The following FOXP1 variants were observed in gnomAD, a reference collection of about 807,000 sequenced individuals.
FOXP1 encodes forkhead box P1, also known as forkhead box protein P1.
FOXP1 carries 15 observed loss-of-function variants against 98.2 expected under a neutral mutation model. The observed-to-expected ratio is 0.15, with a 90% CI of 0.10 to 0.24. The LOEUF (loss-of-function observed/expected upper bound fraction) is 0.24, where lower values mean the gene tolerates loss of function less well. Among genes scored for constraint, FOXP1 ranks in the 10% least tolerant of loss-of-function variants. The probability of loss-of-function intolerance (pLI) is 1.00; values close to 1 mark genes in which losing one functional copy is unlikely to be tolerated. For synonymous variants in FOXP1, 371 were observed against 314.5 expected, an observed-to-expected ratio of 1.18 and a Z score of -1.90; for missense variants, 633 against 848.5, an observed-to-expected ratio of 0.75 and a Z score of 3.15.
At chr3:71,026,087 C>T (rs2046080009) in intron 11 of FOXP1, among the ~76,000 whole-genome samples, 1 of 152,192 alleles carries the variant, frequency 6.6e-6, no homozygotes. Context: ...AATATGCACA[C>T]ACTCAGTGGG....
At chr3:71,472,637 C>T (rs1445709976) in intron 3 of FOXP1, among the ~76,000 whole-genome samples, 2 of 152,078 alleles carry the variant, frequency 1.3e-5, no homozygotes, top group Non-Finnish European at 1.5e-5. Flanking sequence ...AACCCCAGTC[C>T]AGAAAACAAA....
intron 3 of FOXP1, among the ~76,000 whole-genome samples, chr3:71,435,155 AAGG>A (rs2085131201): frequency 7.0e-6 from 1 of 142,678 alleles, no homozygotes; most frequent in Non-Finnish European, 1.5e-5. Flanking sequence ...GGAGGAGAGG[AAGG>A]AGAAGGAGGG....
chr3:71,452,135 C>T (rs953214862), intron 3 of FOXP1, among the ~76,000 whole-genome samples: 4 of 152,140 alleles, frequency 2.6e-5, no homozygotes, highest in African/African-American at 4.8e-5. Context: ...TAATCACTCT[C>T]GGAGCCCCCA....
chr3:71,267,483 C>G (rs903949821), intron 5 of FOXP1, among the ~76,000 whole-genome samples: 1 of 151,982 alleles, frequency 6.6e-6, no homozygotes, highest in Non-Finnish European at 1.5e-5. Context: ...ACTGCATCTG[C>G]GAGTAGAAAT....
At position 71,047,098 on chromosome 3, in the gene FOXP1, G is replaced by GT. The variant is rs2049123273; in HGVS notation, c.511-4dup. On this transcript the variant is annotated splice_region_variant and splice_polypyrimidine_tract_variant and intron_variant, in intron 9 of 20. Transcript: ENST00000649528. ...TGCTGGGTAGCCACCTGCTGTTGCTGTAAGAAATCAGGAAGAAAAAATGAG... is the reference window on the plus strand; with the variant it reads ...TGCTGGGTAGCCACCTGCTGTTGCTGTTAAGAAATCAGGAAGAAAAAATGAG... 6.2e-7 allele frequency: 1 copy of GT among 1,613,974 alleles called. No individual in the cohort carries two copies. Among genetic ancestry groups the GT allele is most frequent in the East Asian group, 2.2e-5 (1 of 44,880 alleles).
chr3:71,189,756 T>C (rs2062854408), intron 6 of FOXP1, among the ~76,000 whole-genome samples: 1 of 152,218 alleles, frequency 6.6e-6, no homozygotes, highest in African/African-American at 2.4e-5. Context: ...GTCCTTCCTT[T>C]CTCTTTCTGT....
At chr3:71,551,071 A>C (rs932399741) in intron 2 of FOXP1, among the ~76,000 whole-genome samples, 1 of 152,208 alleles carries the variant, frequency 6.6e-6, no homozygotes, top group Non-Finnish European at 1.5e-5. Flanking sequence ...TTTTTATCTA[A>C]TATTTATGCA....
At chr3:71,386,398 T>C (rs1362104096) in intron 3 of FOXP1, among the ~76,000 whole-genome samples, 2 of 152,140 alleles carry the variant, frequency 1.3e-5, no homozygotes, top group Non-Finnish European at 2.9e-5. Flanking sequence ...CAGGGTAAGA[T>C]CACATGACTT....
chr3:71,517,636 G>A (rs2042678493), intron 2 of FOXP1, among the ~76,000 whole-genome samples: 1 of 152,102 alleles, frequency 6.6e-6, no homozygotes, highest in African/African-American at 2.4e-5. Flanking sequence ...TTTATCTTCA[G>A]TATAATATTC....
Position 70,972,119 on chromosome 3 carries a change from C to T in FOXP1, c.1652+436G>A, listed in dbSNP as rs1347921620. On this transcript the variant is annotated intron_variant, in intron 18 of 20. Coordinates refer to ENST00000649528, the MANE Select transcript of FOXP1 (RefSeq NM_001349338.3). Reference sequence around the variant, plus strand: ...TTCATCATCAACTGTCCAAAAGGACCCAAACTCATCCTCTACTCTGATAAA... The same window carrying T: ...TTCATCATCAACTGTCCAAAAGGACTCAAACTCATCCTCTACTCTGATAAA... The T allele has an allele frequency of 8.5e-6, 13 of 1,533,792 alleles. No individual in the cohort carries two copies. Among genetic ancestry groups the T allele is most frequent in the East Asian group, 2.4e-5 (1 of 40,902 alleles).
At position 70,966,018 on chromosome 3, in the gene FOXP1, G is replaced by A. The variant is rs764576604; in HGVS notation, c.1761C>T (p.Thr587=). 1.5e-5 allele frequency: 24 copies of A among 1,613,970 alleles called. No homozygotes were observed. The highest frequency in any genetic ancestry group is 4.5e-5 in the East Asian group (2 of 44,892). The change falls in exon 20 of 21, where the codon ACC becomes ACT. Residue 587 remains threonine (T), a synonymous_variant. Transcript: ENST00000649528. ...MAENSIPLYT[T]ASMGNPTLGN... ...CCAGAGTGGGATTTCCCATGGAAGC[G>A]GTAGTGTATAGAGGTATACTATTCT...
intron 3 of FOXP1, among the ~76,000 whole-genome samples, chr3:71,445,688 C>G (rs1191923616): frequency 2.2e-5 from 3 of 134,476 alleles, no homozygotes; most frequent in African/African-American, 8.7e-5. Context: ...GATATTTATA[C>G]CTTTTTTTTT....
At chr3:71,169,885 C>T (rs889780230) in intron 6 of FOXP1, among the ~76,000 whole-genome samples, 6 of 151,594 alleles carry the variant, frequency 4.0e-5, no homozygotes, top group Non-Finnish European at 7.4e-5. Context: ...GTTCATTTTA[C>T]GCACAATTTT....
At chr3:71,333,777 T>C (rs2076496094) in intron 4 of FOXP1, 1 of 151,870 alleles carries the variant, frequency 6.6e-6, no homozygotes, top group South Asian at 2.1e-4. Context: ...TGAGCTGAAA[T>C]GGCACCACTG....
At chr3:71,143,913 A>C (rs2060186646) in intron 6 of FOXP1, among the ~76,000 whole-genome samples, 1 of 152,198 alleles carries the variant, frequency 6.6e-6, no homozygotes, top group South Asian at 2.1e-4. Flanking sequence ...AATATATAAA[A>C]ATATGTTTAT....
intron 9 of FOXP1, among the ~76,000 whole-genome samples, chr3:71,050,252 T>C (rs1033103894): frequency 4.7e-4 from 71 of 152,194 alleles, no homozygotes; most frequent in Non-Finnish European, 8.7e-4. Context: ...CTGTGTAACT[T>C]TCCCCTTCCC....
At chr3:71,501,623 T>G (rs62244863) in intron 2 of FOXP1, among the ~76,000 whole-genome samples, 6 of 151,942 alleles carry the variant, frequency 3.9e-5, no homozygotes, top group African/African-American at 1.5e-4. Flanking sequence ...AACAACAACA[T>G]GACCTTTCGA....
At position 71,416,904 on chromosome 3, in the gene FOXP1, G is replaced by C. The variant is rs536418055; in HGVS notation, c.-167-57660C>G. Among the ~76,000 whole-genome samples, 118 of 152,150 alleles carry C rather than the reference G, an allele frequency of 7.8e-4. 1 individual carries two copies. Among genetic ancestry groups the C allele is most frequent in the Non-Finnish European group, 1.3e-3 (91 of 68,002 alleles). On this transcript the variant is annotated intron_variant, in intron 3 of 20. Transcript: ENST00000649528. ...CTTTCCCTTTATCATAAGGGTAATG[G>C]GAGGCCAGTGAAGGGACCTCGGCCT...
At chr3:71,450,146 A>G (rs998329331) in intron 3 of FOXP1, among the ~76,000 whole-genome samples, 1 of 152,240 alleles carries the variant, frequency 6.6e-6, no homozygotes, top group Non-Finnish European at 1.5e-5. Context: ...AAGAAAAATC[A>G]CACCTGCGTA....
Sources: gnomAD v4.1 joint callset for allele counts (sites outside exome capture counted in the v4.1 genomes callset) on GRCh38, gnomAD v4.1.1 for gene constraint, MANE v1.5 for transcripts, NCBI Gene and HGNC (gene_info 2026-07-23, HGNC 2026-07-21) for gene names.